Variants in CSMD1 observed in about 807,000 individuals in gnomAD.
CSMD1 encodes CUB and Sushi multiple domains 1, also known as CUB and sushi domain-containing protein 1.
In CSMD1, 213 loss-of-function variants were observed where a neutral mutation model predicts 417.5. The ratio of observed to expected loss-of-function variants is 0.51; its 90% confidence interval spans 0.46 to 0.57. The LOEUF (loss-of-function observed/expected upper bound fraction) is 0.57, where lower values mean the gene tolerates loss of function less well. Ranked by LOEUF, CSMD1 falls within the 20% of genes least tolerant of loss-of-function variation. The probability of loss-of-function intolerance (pLI) is 0.00; values close to 1 mark genes in which losing one functional copy is unlikely to be tolerated. For missense variants in CSMD1, 6,923 were observed against 4,529.7 expected (o/e 1.53, Z -15.17); for synonymous variants, 2,862 against 1,736.8 (o/e 1.65, Z -16.11).
chr8:3,983,194 G>C (rs1048141996), intron 5 of CSMD1, among the ~76,000 whole-genome samples: 4 of 148,340 alleles, frequency 2.7e-5, no homozygotes, highest in Admixed American at 6.8e-5. Context: ...GCAGTGGCGC[G>C]ATCTCAGCTC....
At chr8:3,515,687 C>T (rs925784907) in intron 10 of CSMD1, among the ~76,000 whole-genome samples, 1 of 152,202 alleles carries the variant, frequency 6.6e-6, no homozygotes, top group Admixed American at 6.5e-5. Context: ...TCAATCATCA[C>T]ATATTCTAGG....
At chr8:3,462,747 A>G (rs1816585355) in intron 12 of CSMD1, among the ~76,000 whole-genome samples, 1 of 152,182 alleles carries the variant, frequency 6.6e-6, no homozygotes, top group South Asian at 2.1e-4. Flanking sequence ...AGTCCATGGA[A>G]AAACTGTCTA....
At chr8:4,234,512 C>T (rs547604980) in intron 3 of CSMD1, among the ~76,000 whole-genome samples, 3 of 152,278 alleles carry the variant, frequency 2.0e-5, no homozygotes, top group Middle Eastern at 6.8e-3. Flanking sequence ...GCAGTCTACA[C>T]TAGATATCAC....
At chr8:4,841,836 G>A (rs1049266037) in intron 1 of CSMD1, among the ~76,000 whole-genome samples, 1 of 150,350 alleles carries the variant, frequency 6.7e-6, no homozygotes, top group African/African-American at 2.5e-5. Context: ...GCTTGAACCT[G>A]GGAGGTGGAG....
At chr8:3,005,228 G>C (rs1452888011) in intron 52 of CSMD1, among the ~76,000 whole-genome samples, 1 of 152,160 alleles carries the variant, frequency 6.6e-6, no homozygotes, top group Admixed American at 6.5e-5. Flanking sequence ...CCCTGGGTGG[G>C]ACCCAGGAAT....
At chr8:3,541,914 T>G (rs1798456781) in intron 10 of CSMD1, among the ~76,000 whole-genome samples, 1 of 152,036 alleles carries the variant, frequency 6.6e-6, no homozygotes, top group African/African-American at 2.4e-5. Context: ...ATACAAACAT[T>G]AGCTGGGCGT....
chr8:4,036,380 A>G (rs1797619647), intron 3 of CSMD1, among the ~76,000 whole-genome samples: 1 of 152,176 alleles, frequency 6.6e-6, no homozygotes, highest in South Asian at 2.1e-4. Flanking sequence ...GCGCAATGGT[A>G]TTTTCCAGCA....
At chr8:3,030,297 A>G (rs913235357) in intron 50 of CSMD1, among the ~76,000 whole-genome samples, 1 of 152,050 alleles carries the variant, frequency 6.6e-6, no homozygotes, top group Non-Finnish European at 1.5e-5. Flanking sequence ...TTTAAAATAC[A>G]TTACACAAAA....
chr8:3,923,462 T>C (rs755707483), intron 5 of CSMD1, among the ~76,000 whole-genome samples: 45 of 152,338 alleles, frequency 3.0e-4, no homozygotes, highest in Non-Finnish European at 5.0e-4. Flanking sequence ...ATATCTGCAT[T>C]GCCATTTATG....
intron 1 of CSMD1, among the ~76,000 whole-genome samples, chr8:4,975,169 G>A (rs1163380103): frequency 6.6e-6 from 1 of 152,164 alleles, no homozygotes; most frequent in African/African-American, 2.4e-5. Context: ...AGGGAACCAA[G>A]GTCCTACTGT....
intron 3 of CSMD1, among the ~76,000 whole-genome samples, chr8:4,390,497 T>TTTA (rs1554457298): frequency 1.0e-4 from 14 of 140,364 alleles, no homozygotes; most frequent in African/African-American, 2.4e-4. Context: ...AAGCGTCCAT[T>TTTA]TTTATTTATT....
At chr8:4,672,984 G>C (rs1429926463) in intron 1 of CSMD1, among the ~76,000 whole-genome samples, 1 of 151,380 alleles carries the variant, frequency 6.6e-6, no homozygotes, top group Non-Finnish European at 1.5e-5. Flanking sequence ...TTCCATAGTG[G>C]CATACACATA....
At chr8:3,386,601 G>A (rs1011639709) in intron 18 of CSMD1, among the ~76,000 whole-genome samples, 3 of 152,208 alleles carry the variant, frequency 2.0e-5, no homozygotes, top group Admixed American at 2.0e-4. Flanking sequence ...GGTGTTTAAT[G>A]AATGCATGCA....
chr8:3,993,871 G>A lies in CSMD1; in HGVS notation c.818+4032C>T, dbSNP rs889150881. 2.0e-5 allele frequency among the ~76,000 whole-genome samples: 3 copies of A among 152,192 alleles called. 1 individual carries two copies. The South Asian group carries it at 6.2e-4, about 31-fold the overall frequency. On this transcript the variant is annotated intron_variant, in intron 5 of 69. Transcript: ENST00000635120. ...ATGCCCCTCTAAGCATTATGATAATGGGATCGACAAAAGATAGGCAGTGGG... is the reference window on the plus strand; with the variant it reads ...ATGCCCCTCTAAGCATTATGATAATAGGATCGACAAAAGATAGGCAGTGGG...
intron 5 of CSMD1, among the ~76,000 whole-genome samples, chr8:3,790,747 C>T (rs560028241): frequency 5.9e-5 from 9 of 152,248 alleles, no homozygotes; most frequent in East Asian, 3.9e-4. Flanking sequence ...TCAAAGATAA[C>T]GACCTTCAGA....
intron 5 of CSMD1, among the ~76,000 whole-genome samples, chr8:3,804,345 G>A (rs1800614621): frequency 6.6e-6 from 1 of 152,070 alleles, no homozygotes. Flanking sequence ...CGTCTTAAAA[G>A]AAGCAGTATC....
chr8:4,274,249 TA>T (rs536842106), intron 3 of CSMD1, among the ~76,000 whole-genome samples: 3 of 152,172 alleles, frequency 2.0e-5, no homozygotes, highest in Non-Finnish European at 4.4e-5. Context: ...AGCATTTTAT[TA>T]ACACTATACT....
At chr8:2,944,278 G>T (rs1193876738) in intron 68 of CSMD1, among the ~76,000 whole-genome samples, 1 of 152,158 alleles carries the variant, frequency 6.6e-6, no homozygotes, top group African/African-American at 2.4e-5. Context: ...TTCTGAGATG[G>T]TTTAAAATTT....
intron 1 of CSMD1, among the ~76,000 whole-genome samples, chr8:4,769,137 C>T (rs893845070): frequency 6.6e-6 from 1 of 152,150 alleles, no homozygotes; most frequent in Non-Finnish European, 1.5e-5. Flanking sequence ...ATGACCTTGA[C>T]CATTTATTTC....
Sources: gnomAD v4.1 joint callset for allele counts (sites outside exome capture counted in the v4.1 genomes callset) on GRCh38, gnomAD v4.1.1 for gene constraint, MANE v1.5 for transcripts, NCBI Gene and HGNC (gene_info 2026-07-23, HGNC 2026-07-21) for gene names.